MRPL13: variants seen among roughly 807,000 people sequenced by gnomAD.
MRPL13 encodes the protein large ribosomal subunit protein uL13m.
MRPL13 carries 33 observed loss-of-function variants against 29.0 expected under a neutral mutation model. The ratio of observed to expected loss-of-function variants is 1.14; its 90% confidence interval spans 0.86 to 1.52. The LOEUF is 1.52. Ranked by LOEUF, MRPL13 falls within the 40% of genes most tolerant of loss-of-function variation. MRPL13 has a pLI of 0.00. For missense variants in MRPL13, 227 were observed against 216.7 expected (o/e 1.05, Z -0.30); for synonymous variants, 77 against 68.4 (o/e 1.13, Z -0.62).
At chr8:120,432,184 C>A in intron 2 of MRPL13, 61 bp from the exon 3 acceptor site, 3 of 1,305,720 alleles carry the variant, frequency 2.3e-6, no homozygotes, top group Non-Finnish European at 3.1e-6. Context: ...AAAAAGTGGC[C>A]TTGGTTATTT....
intron 2 of MRPL13, among the ~76,000 whole-genome samples, chr8:120,442,219 T>C (rs1015714519): frequency 6.6e-6 from 1 of 152,202 alleles, no homozygotes; most frequent in African/African-American, 2.4e-5. Context: ...TCAAGTGTTA[T>C]TGAAGATGAG....
intron 6 of MRPL13, among the ~76,000 whole-genome samples, chr8:120,413,350 G>C (rs1378783844): frequency 8.5e-5 from 13 of 152,134 alleles, no homozygotes; most frequent in Non-Finnish European, 1.5e-5. Flanking sequence ...TATAATTAGA[G>C]TAAATCAGTA....
chr8:120,433,709 C>G (rs1213370884), intron 2 of MRPL13, among the ~76,000 whole-genome samples: 1 of 152,080 alleles, frequency 6.6e-6, no homozygotes, highest in Non-Finnish European at 1.5e-5. Context: ...TCTACTAACT[C>G]TAAACAAAAA....
chr8:120,405,806 C>T (rs1812659562), intron 6 of MRPL13, among the ~76,000 whole-genome samples: 2 of 152,134 alleles, frequency 1.3e-5, no homozygotes, highest in Admixed American at 6.6e-5. Flanking sequence ...CTTACATACC[C>T]TATTTTGTGC....
chr8:120,425,094 G>A (rs1020673715), intron 4 of MRPL13, among the ~76,000 whole-genome samples: 7 of 151,916 alleles, frequency 4.6e-5, no homozygotes, highest in African/African-American at 1.7e-4. Context: ...AGAATTCTTC[G>A]ACTAAATGCA....
At chr8:120,420,515 G>A (rs1005365344) in intron 4 of MRPL13, among the ~76,000 whole-genome samples, 5 of 147,622 alleles carry the variant, frequency 3.4e-5, no homozygotes, top group African/African-American at 1.2e-4. Flanking sequence ...ATATATTTAT[G>A]TTGTTAAAAT....
At chr8:120,400,741 T>TAAA (rs200517890) in intron 6 of MRPL13, among the ~76,000 whole-genome samples, 31 of 83,180 alleles carry the variant, frequency 3.7e-4, no homozygotes, top group African/African-American at 1.2e-3. Context: ...AATAAATAAA[T>TAAA]AAAAAAAATA....
chr8:120,422,889 A>G (rs1443470144), intron 4 of MRPL13, among the ~76,000 whole-genome samples: 1 of 151,810 alleles, frequency 6.6e-6, no homozygotes, highest in Non-Finnish European at 1.5e-5. Context: ...CAGGTCTTAA[A>G]GAATTCCTGG....
At chr8:120,410,120 A>C (rs935240525) in intron 6 of MRPL13, among the ~76,000 whole-genome samples, 2 of 152,222 alleles carry the variant, frequency 1.3e-5, no homozygotes, top group African/African-American at 2.4e-5. Flanking sequence ...TTAACCAAAT[A>C]TTAATAATAG....
At chr8:120,420,507 ATATT>A (rs1812859984) in intron 4 of MRPL13, among the ~76,000 whole-genome samples, 1 of 147,988 alleles carries the variant, frequency 6.8e-6, no homozygotes, top group Admixed American at 6.8e-5. Context: ...AAATATATAT[ATATT>A]TATGTTGTTA....
At chr8:120,397,068 G>T (rs1812533117) in intron 6 of MRPL13, among the ~76,000 whole-genome samples, 1 of 152,176 alleles carries the variant, frequency 6.6e-6, no homozygotes, top group African/African-American at 2.4e-5. Context: ...TGGAGCCAAA[G>T]AAACCCCCAC....
chr8:120,445,014 C>T, intron 1 of MRPL13, 54 bp downstream of exon 1: 1 of 1,612,584 alleles, frequency 6.2e-7, no homozygotes. Flanking sequence ...GGAACCAACG[C>T]TCTCCTTCTG....
chr8:120,431,554 G>A (rs1453523619), intron 3 of MRPL13, among the ~76,000 whole-genome samples: 2 of 152,130 alleles, frequency 1.3e-5, no homozygotes, highest in Non-Finnish European at 2.9e-5. Flanking sequence ...ACAGAAGATT[G>A]CCTAACTGAA....
At chr8:120,431,933 T>C in intron 3 of MRPL13, 97 bp downstream of exon 3, 1 of 911,532 alleles carries the variant, frequency 1.1e-6, no homozygotes, top group Non-Finnish European at 1.6e-6. Context: ...AAATGCTGAT[T>C]TTTAAAAATA....
At chr8:120,443,554 T>C (rs756688336) in intron 1 of MRPL13, among the ~76,000 whole-genome samples, 6 of 152,074 alleles carry the variant, frequency 3.9e-5, no homozygotes, top group Non-Finnish European at 7.4e-5. Context: ...TGGTTTCCTG[T>C]TAGCAATATG....
At chr8:120,426,725 G>A (rs1396767180) in intron 3 of MRPL13, among the ~76,000 whole-genome samples, 3 of 152,048 alleles carry the variant, frequency 2.0e-5, no homozygotes, top group Non-Finnish European at 4.4e-5. Flanking sequence ...CCTCCAATAT[G>A]GGATGGAGTA....
intron 4 of MRPL13, among the ~76,000 whole-genome samples, chr8:120,421,022 A>T (rs556133921): frequency 6.6e-6 from 1 of 152,174 alleles, no homozygotes; most frequent in Admixed American, 6.5e-5. Context: ...CAACATGTAC[A>T]TGCAAAAAAG....
At chr8:120,437,235 C>T (rs1813064688) in intron 2 of MRPL13, among the ~76,000 whole-genome samples, 1 of 152,110 alleles carries the variant, frequency 6.6e-6, no homozygotes, top group Non-Finnish European at 1.5e-5. Flanking sequence ...AAAATGTTAG[C>T]TAAGCAACTT....
At chr8:120,417,581 T>C (rs1486725856) in intron 5 of MRPL13, among the ~76,000 whole-genome samples, 3 of 152,148 alleles carry the variant, frequency 2.0e-5, no homozygotes, top group Non-Finnish European at 4.4e-5. Context: ...ATTTTTGTTT[T>C]CTTATTCAGT....
Sources: allele counts gnomAD v4.1 joint callset (sites outside exome capture counted in the v4.1 genomes callset), GRCh38; gene constraint gnomAD v4.1.1; transcripts MANE v1.5; gene names NCBI Gene and HGNC (gene_info 2026-07-23, HGNC 2026-07-21).